The following MRPL42 variants were observed in gnomAD, a reference collection of about 807,000 sequenced individuals.
MRPL42 encodes mitochondrial ribosomal protein L42, also known as large ribosomal subunit protein mL42.
A neutral mutation model predicts 17.9 loss-of-function variants in MRPL42; 17 were observed. That is an observed-to-expected ratio of 0.95 (90% CI 0.65 to 1.42). The LOEUF is 1.42. Ranked by LOEUF, MRPL42 falls within the 40% of genes most tolerant of loss-of-function variation. MRPL42 has a pLI of 0.00. For missense variants in MRPL42, 177 were observed against 175.2 expected (o/e 1.01, Z -0.06); for synonymous variants, 59 against 54.4 (o/e 1.08, Z -0.37).
intron 4 of MRPL42, among the ~76,000 whole-genome samples, chr12:93,486,734 G>A (rs1253732703): frequency 6.6e-6 from 1 of 151,982 alleles, no homozygotes; most frequent in Non-Finnish European, 1.5e-5. Context: ...ATAATAATAG[G>A]CATAATTTAT....
rs35963955 is a variant in MRPL42, at chr12:93,504,003, C to CTTTT, written c.*2789_*2792dup. On this transcript the variant is annotated 3_prime_UTR_variant, in exon 6 of 6. Coordinates refer to ENST00000549982, the MANE Select transcript of MRPL42 (RefSeq NM_014050.4). Reference sequence around the variant, plus strand: ...TATTTTTTTTTTAAATTTATTTCTTCTTTTTTTTTTCTTATAATCTCATCA... The same window carrying CTTTT: ...TATTTTTTTTTTAAATTTATTTCTTCTTTTTTTTTTTTTTCTTATAATCTCATCA... The CTTTT allele has an allele frequency of 2.0e-5, 3 of 147,312 alleles. No individual in the cohort carries two copies. Among genetic ancestry groups the CTTTT allele is most frequent in the Admixed American group, 6.8e-5 (1 of 14,662 alleles). 9.1% of individuals were successfully genotyped at this position (147,312 alleles called of 1,614,324 possible).
Position 93,501,209 on chromosome 12 carries a change from A to G in MRPL42, c.417A>G (p.Pro139=). The G allele has an allele frequency of 1.2e-6, 2 of 1,602,250 alleles. No homozygotes were observed. Among genetic ancestry groups the G allele is most frequent in the Middle Eastern group, 2.0e-4 (1 of 4,930 alleles). ...GATGTCGTAAGAATCTGAATCCTCC[A>G]AAAGACAGATGATGCGGAGGTTCCT... ...YHRCRKNLNP[P]KDR Residue 139 remains proline (P), a synonymous_variant, in exon 6 of 6, where the codon CCA becomes CCG. Transcript: ENST00000549982.
At chr12:93,473,977 T>C (rs959318845) in intron 2 of MRPL42, among the ~76,000 whole-genome samples, 5 of 151,778 alleles carry the variant, frequency 3.3e-5, no homozygotes, top group African/African-American at 1.2e-4. Flanking sequence ...CAAGGTACAG[T>C]TCCTGGCCTT....
Position 93,509,067 on chromosome 12 carries a change from A to C in MRPL42, c.*7846A>C, listed in dbSNP as rs2121300153. On this transcript the variant is annotated 3_prime_UTR_variant, in exon 6 of 6. Coordinates refer to ENST00000549982, the MANE Select transcript of MRPL42 (RefSeq NM_014050.4). ...GCTGGGTGTGGTGGCAGGCATCTGT[A>C]ATCCTAGCTACTCAGGAGGCTGAGG... 1 of 152,188 alleles carries C rather than the reference A, an allele frequency of 6.6e-6. No homozygotes were observed. The highest frequency in any genetic ancestry group is 2.4e-5 in the African/African-American group (1 of 41,472). The allele number at this position is 152,188 out of a possible 1,614,324, so 9.4% of individuals were successfully genotyped here.
rs1319437233 is a variant in MRPL42, at chr12:93,505,003, A to G, written c.*3782A>G. 6.6e-6 allele frequency: 1 copy of G among 152,206 alleles called. No individual in the cohort carries two copies. Among genetic ancestry groups the G allele is most frequent in the Admixed American group, 6.5e-5 (1 of 15,270 alleles). The allele number at this position is 152,206 out of a possible 1,614,324, so 9.4% of individuals were successfully genotyped here. On this transcript the variant is annotated 3_prime_UTR_variant, in exon 6 of 6. Coordinates refer to ENST00000549982, the MANE Select transcript of MRPL42 (RefSeq NM_014050.4). ...CTCTAGTGCACAGGATTTTAAGCTA[A>G]GGATTTCATGAATGGGATTTGGGGT...
intron 5 of MRPL42, among the ~76,000 whole-genome samples, chr12:93,492,971 C>G (rs10909338): frequency 0.61 from 64,137 of 105,912 alleles, 16,134 homozygotes; most frequent in Middle Eastern, 0.64. Context: ...TGTTACACTT[C>G]TTAGATTACA....
chr12:93,476,835 C>T, intron 2 of MRPL42, 119 bp from the exon 3 acceptor site: 1 of 886,002 alleles, frequency 1.1e-6, no homozygotes, highest in Non-Finnish European at 1.8e-6. Flanking sequence ...TAGCCCCTAG[C>T]ACAGGCCTGT....
In MRPL42 at chr12:93,509,319, T is replaced by C. The variant is rs578148661; in HGVS notation, c.*8098T>C. The C allele has an allele frequency of 1.3e-5, 2 of 152,296 alleles. No individual in the cohort carries two copies. Among genetic ancestry groups the C allele is most frequent in the Admixed American group, 6.5e-5 (1 of 15,296 alleles). The allele number at this position is 152,296 out of a possible 1,614,324, so 9.4% of individuals were successfully genotyped here. A position where few individuals can be genotyped will look rare whatever the true frequency, so the allele number is the denominator to read the frequency against. On this transcript the variant is annotated 3_prime_UTR_variant, in exon 6 of 6. Transcript: ENST00000549982. The stretch of plus-strand genomic sequence containing the variant: ...TTGATAATATTTTTAGTTTTAGCCA[T>C]TCTAATGGATATATAGTAATAATTT...
At chr12:93,472,092 G>A (rs912716371) in intron 2 of MRPL42, among the ~76,000 whole-genome samples, 1 of 152,000 alleles carries the variant, frequency 6.6e-6, no homozygotes, top group African/African-American at 2.4e-5. Context: ...GGTGTCCCTG[G>A]GGCCTCTCAT....
intron 5 of MRPL42, among the ~76,000 whole-genome samples, chr12:93,498,044 C>CAT (rs1953538519): frequency 4.1e-5 from 1 of 24,616 alleles, no homozygotes; most frequent in Admixed American, 4.4e-4. Flanking sequence ...CTCTTTCTCA[C>CAT]AGTATCAGTA....
intron 1 of MRPL42, among the ~76,000 whole-genome samples, chr12:93,468,234 T>C (rs375360430): frequency 6.6e-6 from 1 of 152,190 alleles, no homozygotes; most frequent in Non-Finnish European, 1.5e-5. Flanking sequence ...GTACTGGCAG[T>C]GCAAGGTATC....
chr12:93,470,772 T>C (rs1264265503), intron 2 of MRPL42, among the ~76,000 whole-genome samples: 2 of 152,268 alleles, frequency 1.3e-5, no homozygotes, highest in Non-Finnish European at 2.9e-5. Flanking sequence ...GCATCTGTGT[T>C]GCTGTAAAGG....
chr12:93,480,929 T>C (rs1260641363), intron 4 of MRPL42, among the ~76,000 whole-genome samples: 1 of 152,174 alleles, frequency 6.6e-6, no homozygotes, highest in African/African-American at 2.4e-5. Context: ...ACTAATTCAG[T>C]GCCTCTTTTT....
At chr12:93,488,672 A>C (rs1012817986) in intron 5 of MRPL42, among the ~76,000 whole-genome samples, 2 of 152,146 alleles carry the variant, frequency 1.3e-5, no homozygotes, top group African/African-American at 4.8e-5. Context: ...TGTTGTTCTC[A>C]GTTCCCTTGG....
Position 93,487,506 on chromosome 12 carries a change from C to T in MRPL42, c.229C>T (p.Arg77Trp), listed in dbSNP as rs370965243. Residue 77 changes from arginine (R) to tryptophan (W), a missense_variant, in exon 5 of 6, where the codon CGG becomes TGG. Arg to Trp is a moderately radical substitution (Grantham distance 101). Coordinates refer to ENST00000549982, the MANE Select transcript of MRPL42 (RefSeq NM_014050.4). ...IPYEHTKPIP[R>W]PDPVHNNEET... Reference sequence around the variant, plus strand: ...ACTGATTATTTTGTAGCCTATCCCTCGGCCAGATCCTGTGCATAATAATGA... The same window carrying T: ...ACTGATTATTTTGTAGCCTATCCCTTGGCCAGATCCTGTGCATAATAATGA... 32 of 1,609,846 alleles carry T rather than the reference C, an allele frequency of 2.0e-5. No homozygotes were observed. The African/African-American group carries it at 2.7e-4, about 13-fold the overall frequency.
chr12:93,481,357 C>A (rs779036646), intron 4 of MRPL42, among the ~76,000 whole-genome samples: 1 of 152,170 alleles, frequency 6.6e-6, no homozygotes, highest in Non-Finnish European at 1.5e-5. Context: ...ACTCTTTTAC[C>A]ACTGGGTCTA....
At chr12:93,501,048 C>A in intron 5 of MRPL42, 128 bp from the exon 6 acceptor site, 3 of 676,404 alleles carry the variant, frequency 4.4e-6, no homozygotes, top group Non-Finnish European at 7.2e-6. Flanking sequence ...TAAGAAATGG[C>A]TGATACGTAG....
chr12:93,474,839 C>T (rs535730441), intron 2 of MRPL42, among the ~76,000 whole-genome samples: 26 of 143,150 alleles, frequency 1.8e-4, no homozygotes, highest in African/African-American at 6.5e-4. Flanking sequence ...ACTGGTAATC[C>T]CAGCACTTTG....
intron 2 of MRPL42, among the ~76,000 whole-genome samples, chr12:93,476,291 A>G (rs768552447): frequency 2.0e-4 from 30 of 152,122 alleles, no homozygotes; most frequent in Middle Eastern, 3.4e-3. Context: ...GGTTCGAGCA[A>G]TTCTCCTGCC....
Sources: allele counts gnomAD v4.1 joint callset (sites outside exome capture counted in the v4.1 genomes callset), GRCh38; gene constraint gnomAD v4.1.1; transcripts MANE v1.5; gene names NCBI Gene and HGNC (gene_info 2026-07-23, HGNC 2026-07-21).